ABL2: variants seen among roughly 807,000 people sequenced by gnomAD.
The protein encoded by ABL2 is ABL proto-oncogene 2, non-receptor tyrosine kinase.
ABL2 carries 49 observed loss-of-function variants against 107.7 expected under a neutral mutation model. The observed-to-expected ratio is 0.45, with a 90% CI of 0.36 to 0.58. The LOEUF (loss-of-function observed/expected upper bound fraction) is 0.58. Among genes scored for constraint, ABL2 ranks in the 20% least tolerant of loss-of-function variants. The pLI is 0.00. For missense variants in ABL2, 1,245 were observed against 1,457.0 expected, an observed-to-expected ratio of 0.85 and a Z score of 2.37; for synonymous variants, 549 against 548.6, an observed-to-expected ratio of 1.00 and a Z score of -0.01.
intron 1 of ABL2, among the ~76,000 whole-genome samples, chr1:179,217,491 T>C (rs1175895538): frequency 2.0e-5 from 3 of 151,750 alleles, no homozygotes; most frequent in Admixed American, 6.6e-5. Context: ...CCGAGTGTGA[T>C]GGCATGCACC....
At chr1:179,136,059 C>G (rs1016643583) in intron 1 of ABL2, among the ~76,000 whole-genome samples, 1 of 149,116 alleles carries the variant, frequency 6.7e-6, no homozygotes, top group African/African-American at 2.5e-5. Context: ...CTCTGCCCGG[C>G]CAGCCGCCCC....
At chr1:179,174,916 A>AT (rs1172999695) in intron 1 of ABL2, among the ~76,000 whole-genome samples, 27 of 101,536 alleles carry the variant, frequency 2.7e-4, no homozygotes, top group African/African-American at 8.3e-4. Flanking sequence ...AAATAAAATA[A>AT]AAAAAATAAT....
In ABL2 at chr1:179,100,865, G is replaced by A; in HGVS notation, c.*6853C>T. The A allele has an allele frequency of 4.3e-6, 1 of 232,842 alleles. No homozygotes were observed. Among genetic ancestry groups the A allele is most frequent in the Non-Finnish European group, 8.5e-6 (1 of 117,762 alleles). 14.4% of individuals were successfully genotyped at this position (232,842 alleles called of 1,614,324 possible). ...GCTCCCTCAGAGTGAACAGGGCTTT[G>A]CTACTCTGCTCAGGTCAAAAGGTAA... On this transcript the variant is annotated 3_prime_UTR_variant, in exon 12 of 12. Coordinates refer to ENST00000502732, the MANE Select transcript of ABL2 (RefSeq NM_007314.4).
intron 1 of ABL2, among the ~76,000 whole-genome samples, chr1:179,178,247 A>G (rs951917841): frequency 7.9e-5 from 12 of 151,838 alleles, no homozygotes; most frequent in Non-Finnish European, 1.5e-4. Context: ...AAAATACAAC[A>G]ATTAGCTGGG....
At chr1:179,201,763 G>A (rs1661682099) in intron 1 of ABL2, 1 of 842,556 alleles carries the variant, frequency 1.2e-6, no homozygotes, top group East Asian at 3.4e-5. Flanking sequence ...CCCACCAATA[G>A]GGAAAATTAT....
chr1:179,143,046 C>CCT, intron 1 of ABL2: 1 of 1,613,726 alleles, frequency 6.2e-7, no homozygotes, highest in Non-Finnish European at 8.5e-7. Flanking sequence ...AAGGACCATA[C>CCT]CTCTGCCCAG....
At chr1:179,178,223 C>T (rs374147000) in intron 1 of ABL2, among the ~76,000 whole-genome samples, 7 of 151,694 alleles carry the variant, frequency 4.6e-5, no homozygotes, top group Non-Finnish European at 8.8e-5. Flanking sequence ...CATGGTGAAA[C>T]CCTGTCTGCA....
intron 1 of ABL2, among the ~76,000 whole-genome samples, chr1:179,177,777 T>G (rs1359680031): frequency 6.6e-6 from 1 of 152,222 alleles, no homozygotes; most frequent in Non-Finnish European, 1.5e-5. Flanking sequence ...AGTAGCTTTT[T>G]GGTTGGAGAA....
chr1:179,161,044 A>G (rs910878877), intron 1 of ABL2, among the ~76,000 whole-genome samples: 1 of 152,118 alleles, frequency 6.6e-6, no homozygotes. Context: ...TGCATTTCTA[A>G]TATCATTCAG....
intron 1 of ABL2, among the ~76,000 whole-genome samples, chr1:179,190,821 C>T (rs1007140968): frequency 2.0e-5 from 3 of 152,030 alleles, no homozygotes; most frequent in African/African-American, 7.2e-5. Context: ...GAATAAAGAC[C>T]AAATATACAT....
chr1:179,128,563 T>C (rs1314937281), intron 3 of ABL2, among the ~76,000 whole-genome samples: 2 of 152,160 alleles, frequency 1.3e-5, no homozygotes, highest in East Asian at 1.9e-4. Flanking sequence ...TTTGTTGTTC[T>C]TTTTTTGTCA....
intron 1 of ABL2, among the ~76,000 whole-genome samples, chr1:179,192,918 T>G (rs1661097869): frequency 6.6e-6 from 1 of 152,210 alleles, no homozygotes; most frequent in Non-Finnish European, 1.5e-5. Flanking sequence ...CTATTTGAAT[T>G]ACTACTTAAA....
chr1:179,120,565 C>T (rs1001976502), intron 5 of ABL2, among the ~76,000 whole-genome samples: 2 of 152,126 alleles, frequency 1.3e-5, no homozygotes, highest in African/African-American at 4.8e-5. Flanking sequence ...GCTGGGATTA[C>T]AGGCATGCAC....
At chr1:179,166,726 G>C (rs1163716525) in intron 1 of ABL2, among the ~76,000 whole-genome samples, 1 of 144,854 alleles carries the variant, frequency 6.9e-6, no homozygotes. Context: ...GCAGGGAGCC[G>C]AGATCACATC....
chr1:179,110,816 T>G, intron 10 of ABL2: 1 of 1,613,992 alleles, frequency 6.2e-7, no homozygotes. Context: ...CACAATGTTA[T>G]GCACGTCTGA....
rs866580666 is a variant in ABL2, at chr1:179,229,655, A to G, written c.-258T>C. 8.6e-4 allele frequency: 312 copies of G among 363,736 alleles called. 1 individual carries two copies. The highest frequency in any genetic ancestry group is 2.4e-3 in the African/African-American group (91 of 38,482). The allele number at this position is 363,736 out of a possible 1,614,324, so 22.5% of individuals were successfully genotyped here. ...CAACGCCGCCGCCGCCGCCGCCGCC[A>G]CCGCCGCCGCCATCTTTAAACCACC... On this transcript the variant is annotated 5_prime_UTR_variant, in exon 1 of 12. Coordinates refer to ENST00000502732, the MANE Select transcript of ABL2 (RefSeq NM_007314.4).
intron 1 of ABL2, among the ~76,000 whole-genome samples, chr1:179,178,548 G>A (rs1308504375): frequency 2.0e-5 from 3 of 152,078 alleles, no homozygotes; most frequent in African/African-American, 4.8e-5. Flanking sequence ...ATTAGGAACA[G>A]AGAGAATAAA....
chr1:179,200,301 C>T (rs908101500), intron 1 of ABL2, among the ~76,000 whole-genome samples: 3 of 152,164 alleles, frequency 2.0e-5, no homozygotes, highest in African/African-American at 7.2e-5. Flanking sequence ...CCTGCCTCAG[C>T]CTCCCAAAGT....
At chr1:179,225,366 A>C (rs916783668) in intron 1 of ABL2, among the ~76,000 whole-genome samples, 2 of 152,366 alleles carry the variant, frequency 1.3e-5, no homozygotes, top group East Asian at 3.8e-4. Flanking sequence ...TAACATTCAT[A>C]TATGAAATTA....
Sources: allele counts gnomAD v4.1 joint callset (sites outside exome capture counted in the v4.1 genomes callset), GRCh38; gene constraint gnomAD v4.1.1; transcripts MANE v1.5; gene names NCBI Gene and HGNC (gene_info 2026-07-23, HGNC 2026-07-21).